Variants in NTRK3 observed in about 807,000 individuals in gnomAD.
The protein encoded by NTRK3 is neurotrophic receptor tyrosine kinase 3, also known as NT-3 growth factor receptor.
Under a neutral mutation model 91.7 loss-of-function variants are expected in NTRK3, and 24 were observed. The ratio of observed to expected loss-of-function variants is 0.26; its 90% CI spans 0.19 to 0.37. NTRK3 has a LOEUF of 0.37. Among genes scored for constraint, NTRK3 ranks in the 10% least tolerant of loss-of-function variants. The probability of loss-of-function intolerance (pLI) is 1.00; values close to 1 mark genes in which losing one functional copy is unlikely to be tolerated. For missense variants in NTRK3, 880 were observed against 1,068.9 expected, an observed-to-expected ratio of 0.82 and a Z score of 2.46; for synonymous variants, 483 against 404.0, an observed-to-expected ratio of 1.20 and a Z score of -2.34.
chr15:88,130,015 A>G (rs1285226623), intron 10 of NTRK3, among the ~76,000 whole-genome samples: 1 of 152,196 alleles, frequency 6.6e-6, no homozygotes, highest in African/African-American at 2.4e-5. Flanking sequence ...GACAACACAA[A>G]GAGAACACTG....
At chr15:88,171,649 C>A (rs532598753) in intron 5 of NTRK3, among the ~76,000 whole-genome samples, 1 of 152,256 alleles carries the variant, frequency 6.6e-6, no homozygotes, top group Admixed American at 6.5e-5. Flanking sequence ...CACCCAAAGC[C>A]CTGCAGGGTA....
At chr15:88,033,152 T>A in intron 13 of NTRK3, 107 bp from the exon 14 acceptor site, 2 of 742,426 alleles carry the variant, frequency 2.7e-6, no homozygotes, top group South Asian at 1.8e-5. Context: ...AAACATTTTC[T>A]TTTTTTTACT....
chr15:87,975,156 A>G (rs1418007077), intron 14 of NTRK3, among the ~76,000 whole-genome samples: 4 of 152,070 alleles, frequency 2.6e-5, no homozygotes, highest in African/African-American at 9.7e-5. Flanking sequence ...CCCACAGTAA[A>G]CCCATTCTTG....
intron 14 of NTRK3, among the ~76,000 whole-genome samples, chr15:88,008,199 T>C (rs1001761911): frequency 6.6e-6 from 1 of 152,140 alleles, no homozygotes; most frequent in South Asian, 2.1e-4. Context: ...CCTTAGAGCA[T>C]AACAGGGTTG....
chr15:88,045,180 T>A (rs1408199230), intron 13 of NTRK3, among the ~76,000 whole-genome samples: 2 of 152,246 alleles, frequency 1.3e-5, no homozygotes, highest in South Asian at 2.1e-4. Flanking sequence ...AAGGATATCT[T>A]GTGGACAAGT....
intron 14 of NTRK3, among the ~76,000 whole-genome samples, chr15:88,016,591 G>A (rs1228962593): frequency 6.6e-6 from 1 of 152,210 alleles, no homozygotes; most frequent in Non-Finnish European, 1.5e-5. Flanking sequence ...CCTCCCAGGG[G>A]CCTCTCATTC....
chr15:88,082,337 GGAA>G (rs979120587), intron 13 of NTRK3, among the ~76,000 whole-genome samples: 1 of 151,864 alleles, frequency 6.6e-6, no homozygotes, highest in Non-Finnish European at 1.5e-5. Flanking sequence ...TCAGCAGCGG[GGAA>G]GAAGAGAGAA....
intron 5 of NTRK3, among the ~76,000 whole-genome samples, chr15:88,147,727 A>T (rs1423121946): frequency 6.6e-6 from 1 of 152,152 alleles, no homozygotes; most frequent in Non-Finnish European, 1.5e-5. Flanking sequence ...AGCCTTTATG[A>T]AGCCATCCTT....
intron 17 of NTRK3, among the ~76,000 whole-genome samples, chr15:87,892,309 G>T (rs2065896331): frequency 6.6e-6 from 1 of 152,100 alleles, no homozygotes. Flanking sequence ...CGACTGGAGA[G>T]GGACAAACTT....
At chr15:87,876,207 A>C (rs773575584) in exon 19 of NTRK3, 1 of 233,076 alleles carries the variant, frequency 4.3e-6, no homozygotes, top group Non-Finnish European at 8.5e-6. Flanking sequence ...AGCTCTTGTC[A>C]TGGTTTTGTG....
At chr15:87,993,613 C>T (rs2075452764) in intron 14 of NTRK3, among the ~76,000 whole-genome samples, 1 of 152,170 alleles carries the variant, frequency 6.6e-6, no homozygotes, top group Non-Finnish European at 1.5e-5. Context: ...GGTGTCATCA[C>T]CTCCCCCAAA....
intron 13 of NTRK3, among the ~76,000 whole-genome samples, chr15:88,111,487 A>C (rs1597375947): frequency 6.6e-6 from 1 of 152,344 alleles, no homozygotes; most frequent in East Asian, 1.9e-4. Flanking sequence ...CTGTTAGCTT[A>C]GGGAGTTTGA....
intron 14 of NTRK3, among the ~76,000 whole-genome samples, chr15:88,013,896 C>A (rs1488898525): frequency 1.3e-5 from 2 of 152,118 alleles, no homozygotes; most frequent in African/African-American, 4.8e-5. Flanking sequence ...GCCAATATCA[C>A]ACCACTGCAC....
chr15:88,054,988 G>T (rs751482796), intron 13 of NTRK3, among the ~76,000 whole-genome samples: 2 of 152,124 alleles, frequency 1.3e-5, no homozygotes, highest in African/African-American at 2.4e-5. Context: ...AACAGAGCTG[G>T]GATTTCAACT....
chr15:88,017,088 C>A (rs2077286822), intron 14 of NTRK3, among the ~76,000 whole-genome samples: 5 of 151,964 alleles, frequency 3.3e-5, no homozygotes, highest in Admixed American at 3.3e-4. Context: ...CTACCTTGCA[C>A]CAAAAATGGG....
intron 14 of NTRK3, among the ~76,000 whole-genome samples, chr15:87,947,209 G>C (rs1358315003): frequency 6.6e-6 from 1 of 151,968 alleles, no homozygotes; most frequent in Non-Finnish European, 1.5e-5. Flanking sequence ...ATATGTTGCT[G>C]TCCCCGTGCT....
chr15:88,068,304 C>T (rs183347464), intron 13 of NTRK3, among the ~76,000 whole-genome samples: 221 of 152,140 alleles, frequency 1.5e-3, no homozygotes, highest in African/African-American at 5.0e-3. Context: ...TGGTGGTGCT[C>T]ACCTGTAATC....
At chr15:88,252,905 G>C (rs1329048386) in intron 3 of NTRK3, 2 of 152,260 alleles carry the variant, frequency 1.3e-5, no homozygotes, top group African/African-American at 4.8e-5. Context: ...TGGGGAGATG[G>C]CCTCCCCCAT....
At chr15:88,126,972 A>T (rs1204162060) in intron 12 of NTRK3, among the ~76,000 whole-genome samples, 190 bp downstream of exon 12, 1 of 152,204 alleles carries the variant, frequency 6.6e-6, no homozygotes, top group Non-Finnish European at 1.5e-5. Flanking sequence ...AGATCGTCAA[A>T]CATTTCCTCA....
Sources: allele counts gnomAD v4.1 joint callset (sites outside exome capture counted in the v4.1 genomes callset), GRCh38; gene constraint gnomAD v4.1.1; transcripts MANE v1.5; gene names NCBI Gene and HGNC (gene_info 2026-07-23, HGNC 2026-07-21).